Variants in SOX5 observed in about 807,000 individuals in gnomAD.
The protein encoded by SOX5 is SRY-box transcription factor 5.
A neutral mutation model predicts 92.0 loss-of-function variants in SOX5; 9 were observed. The observed-to-expected ratio is 0.10, with a 90% CI of 0.06 to 0.17. The LOEUF is 0.17. SOX5 is among the 10% of genes least tolerant of loss of function. SOX5 has a pLI of 1.00. For synonymous variants in SOX5, 344 were observed against 336.3 expected (o/e 1.02, Z -0.25); for missense variants, 642 against 944.5 (o/e 0.68, Z 4.20).
At chr12:24,353,257 G>T (rs899035178) in intron 2 of SOX5, among the ~76,000 whole-genome samples, 3 of 152,172 alleles carry the variant, frequency 2.0e-5, no homozygotes, top group Non-Finnish European at 4.4e-5. Flanking sequence ...GATCTGAGAG[G>T]TGTGTACCCT....
intron 1 of SOX5, among the ~76,000 whole-genome samples, chr12:23,928,834 A>C (rs1409868476): frequency 6.6e-6 from 1 of 151,838 alleles, no homozygotes; most frequent in African/African-American, 2.4e-5. Context: ...AAAAATTTGG[A>C]ACTTAAAGAT....
chr12:24,256,723 C>A (rs1941253493), intron 3 of SOX5, among the ~76,000 whole-genome samples: 1 of 152,104 alleles, frequency 6.6e-6, no homozygotes, highest in Non-Finnish European at 1.5e-5. Context: ...TCTCCCCTGT[C>A]AGCATGAAGC....
At chr12:23,631,615 A>G (rs1185960234) in intron 8 of SOX5, among the ~76,000 whole-genome samples, 1 of 152,144 alleles carries the variant, frequency 6.6e-6, no homozygotes, top group Non-Finnish European at 1.5e-5. Context: ...ACAGGATACT[A>G]TCAAGGAATG....
chr12:24,125,071 T>C (rs1276496797), intron 4 of SOX5, among the ~76,000 whole-genome samples: 1 of 152,228 alleles, frequency 6.6e-6, no homozygotes, highest in African/African-American at 2.4e-5. Flanking sequence ...AAAATTAGAC[T>C]GGCTTTTAAT....
chr12:24,166,512 C>T (rs1170710326), intron 4 of SOX5, among the ~76,000 whole-genome samples: 2 of 152,024 alleles, frequency 1.3e-5, no homozygotes, highest in African/African-American at 4.8e-5. Flanking sequence ...CAACTTTAGC[C>T]CCCCTAATTT....
chr12:23,730,217 G>GA (rs139355809), intron 6 of SOX5, among the ~76,000 whole-genome samples: 3,855 of 151,470 alleles, frequency 0.025, 174 homozygotes, highest in African/African-American at 0.087. Context: ...GAGTAAGAGG[G>GA]AAAAAAAAGA....
At chr12:23,912,469 G>T (rs2097362171) in intron 1 of SOX5, among the ~76,000 whole-genome samples, 1 of 152,150 alleles carries the variant, frequency 6.6e-6, no homozygotes, top group Non-Finnish European at 1.5e-5. Flanking sequence ...ATATGACCTA[G>T]CAATTCCCCT....
chr12:23,538,492 A>G (rs533130634), intron 13 of SOX5, among the ~76,000 whole-genome samples: 7 of 152,216 alleles, frequency 4.6e-5, no homozygotes, highest in Non-Finnish European at 1.0e-4. Context: ...TTGTAGGGAC[A>G]ATCTCAAACT....
intron 8 of SOX5, among the ~76,000 whole-genome samples, chr12:23,619,762 G>A (rs1025609911): frequency 2.6e-5 from 4 of 152,104 alleles, no homozygotes; most frequent in African/African-American, 4.8e-5. Context: ...AGTAAAAACC[G>A]CTTCAGTGTG....
At chr12:24,355,282 C>CTTTTTTTTTTTTTTTTTTTTT (rs768157437) in intron 2 of SOX5, among the ~76,000 whole-genome samples, 1 of 71,932 alleles carries the variant, frequency 1.4e-5, no homozygotes, top group Non-Finnish European at 2.3e-5. Flanking sequence ...AGGGGTGCAT[C>CTTTTTTTTTTTTTTTTTTTTT]TTTTTTTTTT....
intron 2 of SOX5, among the ~76,000 whole-genome samples, chr12:23,874,930 G>T (rs2096911768): frequency 6.6e-6 from 1 of 152,202 alleles, no homozygotes; most frequent in African/African-American, 2.4e-5. Flanking sequence ...TATGCTGAGT[G>T]CATACTCACT....
At chr12:23,828,467 C>G (rs1275311926) in intron 3 of SOX5, among the ~76,000 whole-genome samples, 4 of 152,030 alleles carry the variant, frequency 2.6e-5, no homozygotes, top group African/African-American at 9.7e-5. Flanking sequence ...TGCACAAACT[C>G]AGAGGTCAGT....
intron 1 of SOX5, among the ~76,000 whole-genome samples, chr12:23,940,604 G>A (rs544975052): frequency 2.0e-5 from 3 of 151,228 alleles, no homozygotes; most frequent in Non-Finnish European, 1.5e-5. Context: ...TTTTAAAGAA[G>A]AACTAGAACT....
In SOX5 at chr12:24,466,768, T is replaced by C. The variant is rs955055383; in HGVS notation, c.-251+95561A>G. ...TTTCAAAAAACAGTTTGTGGGCTCC[T>C]ACACCAAACCTATGAAATCAAATGT... On this transcript the variant is annotated intron_variant, in intron 1 of 4. Coordinates refer to the SOX5 transcript ENST00000446891. Among the ~76,000 whole-genome samples the C allele has an allele frequency of 2.6e-5, 4 of 152,308 alleles. No individual in the cohort carries two copies. In the East Asian group the frequency reaches 7.7e-4, roughly 29 times the overall value.
chr12:24,040,663 G>A (rs1424153038), intron 4 of SOX5, among the ~76,000 whole-genome samples: 1 of 152,214 alleles, frequency 6.6e-6, no homozygotes. Context: ...ACGAGGTCAG[G>A]AGATGGAGAC....
At chr12:23,984,653 C>T (rs766319265) in intron 4 of SOX5, among the ~76,000 whole-genome samples, 3 of 151,952 alleles carry the variant, frequency 2.0e-5, no homozygotes, top group East Asian at 1.9e-4. Context: ...CTGAGAAACT[C>T]GAAAGTTATT....
At chr12:24,530,665 T>C (rs1269887458) in intron 1 of SOX5, among the ~76,000 whole-genome samples, 1 of 149,200 alleles carries the variant, frequency 6.7e-6, no homozygotes, top group Non-Finnish European at 1.5e-5. Flanking sequence ...AAAAACACCC[T>C]AGTTTTCATT....
In SOX5 at chr12:23,710,711, G is replaced by T. The variant is rs191301876; in HGVS notation, c.810+23973C>A. 3.0e-3 allele frequency among the ~76,000 whole-genome samples: 458 copies of T among 152,304 alleles called. 5 individuals are homozygous for T. Among genetic ancestry groups the T allele is most frequent in the African/African-American group, 0.01 (433 of 41,558 alleles). On this transcript the variant is annotated intron_variant, in intron 6 of 14. Coordinates refer to ENST00000451604, the MANE Select transcript of SOX5 (RefSeq NM_006940.6). ...TGCCACAATAAACAAACGTGTGCAT[G>T]TGCCTTTATAGCAGCATGATTTATA...
At chr12:23,670,325 G>A (rs2084557113) in intron 6 of SOX5, among the ~76,000 whole-genome samples, 1 of 152,136 alleles carries the variant, frequency 6.6e-6, no homozygotes, top group South Asian at 2.1e-4. Flanking sequence ...AAAGGAGAAA[G>A]CAAATGTAGA....
Sources: allele counts gnomAD v4.1 joint callset (sites outside exome capture counted in the v4.1 genomes callset), GRCh38; gene constraint gnomAD v4.1.1; transcripts MANE v1.5; gene names NCBI Gene and HGNC (gene_info 2026-07-23, HGNC 2026-07-21).